FBXL13: variants seen among roughly 807,000 people sequenced by gnomAD.
The protein encoded by FBXL13 is F-box and leucine rich repeat protein 13.
Under a neutral mutation model 83.6 loss-of-function variants are expected in FBXL13, and 67 were observed. That is an observed-to-expected ratio of 0.80 (90% CI 0.66 to 0.98). The LOEUF is 0.98. FBXL13 is among the 50% of genes least tolerant of loss of function. FBXL13 has a pLI of 0.00. For missense variants in FBXL13, 822 were observed against 866.5 expected, an observed-to-expected ratio of 0.95 and a Z score of 0.64; for synonymous variants, 272 against 299.5, an observed-to-expected ratio of 0.91 and a Z score of 0.95.
intron 11 of FBXL13, among the ~76,000 whole-genome samples, chr7:102,910,366 G>C (rs1199180033): frequency 1.3e-5 from 2 of 151,942 alleles, no homozygotes; most frequent in South Asian, 2.1e-4. Flanking sequence ...TTCTTATGAA[G>C]GTGTTTTTTC....
At chr7:103,013,604 A>G (rs1043753696) in intron 6 of FBXL13, among the ~76,000 whole-genome samples, 1 of 152,200 alleles carries the variant, frequency 6.6e-6, no homozygotes, top group African/African-American at 2.4e-5. Flanking sequence ...AAGATACAAG[A>G]TATCAGAATT....
chr7:102,883,824 T>G lies in FBXL13; in HGVS notation c.1108-139A>C, dbSNP rs1584772351. 33 of 593,334 alleles carry G rather than the reference T, an allele frequency of 5.6e-5. No homozygotes were observed. The East Asian group carries it at 8.7e-4, about 16-fold the overall frequency. 36.8% of individuals were successfully genotyped at this position (593,334 alleles called of 1,614,324 possible). A position where few individuals can be genotyped will look rare whatever the true frequency, so the allele number is the denominator to read the frequency against. On this transcript the variant is annotated intron_variant, in intron 12 of 19. Coordinates refer to ENST00000313221, the Ensembl canonical transcript of FBXL13. ...TCCTAATTTCAAAGACAACTGGATT[T>G]TTCCATACATTTTAATACACCTACA...
At chr7:102,968,656 C>T (rs1826252417) in intron 6 of FBXL13, among the ~76,000 whole-genome samples, 1 of 152,076 alleles carries the variant, frequency 6.6e-6, no homozygotes, top group African/African-American at 2.4e-5. Context: ...TCAGTAAATG[C>T]TAAAAGAAAC....
intron 6 of FBXL13, among the ~76,000 whole-genome samples, chr7:102,969,601 G>A: frequency 6.6e-6 from 1 of 152,046 alleles, no homozygotes; most frequent in Non-Finnish European, 1.5e-5. Flanking sequence ...TTGAGGTCAG[G>A]AGTTCAAGAC....
chr7:102,846,274 A>T (rs1803931169), intron 17 of FBXL13, among the ~76,000 whole-genome samples: 1 of 152,226 alleles, frequency 6.6e-6, no homozygotes, highest in Non-Finnish European at 1.5e-5. Context: ...AGTCTAATCC[A>T]AAATGTTTTG....
intron 10 of FBXL13, among the ~76,000 whole-genome samples, chr7:102,921,039 C>G (rs1335820851): frequency 6.6e-6 from 1 of 152,068 alleles, no homozygotes; most frequent in African/African-American, 2.4e-5. Flanking sequence ...GTAATCCCAG[C>G]TACTCGGGAG....
At chr7:103,074,638 C>G, upstream of FBXL13, 1 of 1,273,176 alleles carries the variant, frequency 7.9e-7, no homozygotes, top group Non-Finnish European at 1.0e-6. Flanking sequence ...TTTCCTGACT[C>G]CTCCCCCTTC....
intron 16 of FBXL13, among the ~76,000 whole-genome samples, chr7:102,872,938 T>C (rs181326403): frequency 6.6e-6 from 1 of 152,372 alleles, no homozygotes. Flanking sequence ...GATGATACAA[T>C]AAATGATTCA....
At chr7:102,914,952 G>A (rs1284175376) in intron 10 of FBXL13, among the ~76,000 whole-genome samples, 1 of 152,030 alleles carries the variant, frequency 6.6e-6, no homozygotes, top group Non-Finnish European at 1.5e-5. Flanking sequence ...CAATCCTTTA[G>A]CTTTATAATC....
intron 6 of FBXL13, among the ~76,000 whole-genome samples, chr7:102,981,978 G>A (rs1828292534): frequency 6.6e-6 from 1 of 152,108 alleles, no homozygotes; most frequent in African/African-American, 2.4e-5. Flanking sequence ...GCTGAGGGGG[G>A]CAGATCACGA....
At chr7:103,047,031 T>C (rs530116723) in intron 2 of FBXL13, 4 of 152,176 alleles carry the variant, frequency 2.6e-5, no homozygotes, top group Admixed American at 1.3e-4. Flanking sequence ...CTGGTGAAAA[T>C]ATACTGTGGC....
intron 16 of FBXL13, among the ~76,000 whole-genome samples, chr7:102,864,477 T>G (rs1807339703): frequency 6.6e-6 from 1 of 152,146 alleles, no homozygotes; most frequent in Non-Finnish European, 1.5e-5. Flanking sequence ...CAAGCGATTT[T>G]CCTGCCTCAG....
chr7:102,830,023 G>A (rs1308998049), intron 18 of FBXL13, among the ~76,000 whole-genome samples: 2 of 152,110 alleles, frequency 1.3e-5, no homozygotes, highest in African/African-American at 2.4e-5. Context: ...CTACTCCTTT[G>A]TATCAGCGTT....
chr7:103,064,091 T>C (rs1386473165), intron 1 of FBXL13, among the ~76,000 whole-genome samples: 2 of 152,192 alleles, frequency 1.3e-5, no homozygotes, highest in African/African-American at 2.4e-5. Context: ...TTCTCTCTCC[T>C]TGTGGCCACA....
intron 1 of FBXL13, among the ~76,000 whole-genome samples, chr7:103,057,844 C>A (rs541463916): frequency 6.6e-6 from 1 of 152,140 alleles, no homozygotes; most frequent in African/African-American, 2.4e-5. Flanking sequence ...AATTCTCCAT[C>A]GGCATTTCTC....
chr7:102,834,473 A>G (rs199573165), intron 17 of FBXL13: 5 of 141,544 alleles, frequency 3.5e-5, no homozygotes, highest in African/African-American at 7.9e-5. Context: ...ATATATATAT[A>G]TGTGATGTGG....
chr7:102,934,300 C>G (rs1819834620), intron 8 of FBXL13: 1 of 1,614,136 alleles, frequency 6.2e-7, no homozygotes, highest in East Asian at 2.2e-5. Context: ...TTGGTTTAAA[C>G]AAACTCACCA....
In FBXL13 at chr7:102,883,694, G is replaced by GA; in HGVS notation, c.1108-10dup. 4 of 1,518,366 alleles carry GA rather than the reference G, an allele frequency of 2.6e-6. No individual in the cohort carries two copies. Among genetic ancestry groups the GA allele is most frequent in the Non-Finnish European group, 3.6e-6 (4 of 1,100,306 alleles). 94.1% of individuals were successfully genotyped at this position (1,518,366 alleles called of 1,614,324 possible). On this transcript the variant is annotated splice_polypyrimidine_tract_variant and intron_variant, in intron 12 of 19. Transcript: ENST00000313221. ...CATTTTTCAACTAAAGCCTTTAGAA[G>GA]AAAAAAATGATTAAATTAATCAAGT... is the stretch of plus-strand genomic sequence containing the variant.
chr7:103,009,395 C>G (rs1791345739), intron 6 of FBXL13, among the ~76,000 whole-genome samples: 1 of 152,204 alleles, frequency 6.6e-6, no homozygotes, highest in African/African-American at 2.4e-5. Context: ...CCTGTCTGGG[C>G]TCAGCATGGA....
Sources: gnomAD v4.1 joint callset for allele counts (sites outside exome capture counted in the v4.1 genomes callset) on GRCh38, gnomAD v4.1.1 for gene constraint, MANE v1.5 for transcripts, NCBI Gene and HGNC (gene_info 2026-07-23, HGNC 2026-07-21) for gene names.